Variants in NDUFV3 observed in about 807,000 individuals in gnomAD.
NDUFV3 encodes NADH dehydrogenase [ubiquinone] flavoprotein 3, mitochondrial.
In NDUFV3, 44 loss-of-function variants were observed where a neutral mutation model predicts 37.5. The observed-to-expected ratio is 1.17, with a 90% CI of 0.92 to 1.51. The LOEUF (loss-of-function observed/expected upper bound fraction) is 1.51, where lower values mean the gene tolerates loss of function less well. NDUFV3 is among the 40% of genes most tolerant of loss of function. NDUFV3 has a pLI of 0.00. For missense variants in NDUFV3, 580 were observed against 580.4 expected, an observed-to-expected ratio of 1.00 and a Z score of 0.01; for synonymous variants, 235 against 239.3, an observed-to-expected ratio of 0.98 and a Z score of 0.17.
In NDUFV3 at chr21:42,896,983, T is replaced by C; in HGVS notation, c.105T>C (p.Ser35=). The change falls in exon 2 of 4, where the codon TCT becomes TCC. Residue 35 remains serine, a synonymous_variant. Coordinates refer to ENST00000354250, the MANE Select transcript of NDUFV3 (RefSeq NM_021075.4). ...GACTTGCTTCTACGGTTTCTTTGTC[T>C]GCGGAATCAGGGAAGAGTGAAAAGG... ...FRGLASTVSL[S]AESGKSEKGQ... is the part of the protein sequence containing the mutation. 1.2e-6 allele frequency: 2 copies of C among 1,614,052 alleles called. No individual in the cohort carries two copies. The highest frequency in any genetic ancestry group is 2.2e-5 in the South Asian group (2 of 91,086).
chr21:42,898,745 A>G (rs1019488476), intron 2 of NDUFV3, among the ~76,000 whole-genome samples: 1 of 152,232 alleles, frequency 6.6e-6, no homozygotes, highest in African/African-American at 2.4e-5. Context: ...TATTGGGATT[A>G]CAGGTGTGAG....
At chr21:42,894,722 G>A (rs2058683433) in intron 1 of NDUFV3, among the ~76,000 whole-genome samples, 1 of 149,710 alleles carries the variant, frequency 6.7e-6, no homozygotes, top group South Asian at 2.1e-4. Context: ...TTCATTGACA[G>A]TCTACCATTA....
At chr21:42,902,889 C>T (rs1183317873) in intron 2 of NDUFV3, among the ~76,000 whole-genome samples, 1 of 152,124 alleles carries the variant, frequency 6.6e-6, no homozygotes, top group Non-Finnish European at 1.5e-5. Context: ...TAAATCATCT[C>T]TAGATTACTT....
At chr21:42,898,276 C>T (rs1257272837) in intron 2 of NDUFV3, among the ~76,000 whole-genome samples, 1 of 151,776 alleles carries the variant, frequency 6.6e-6, no homozygotes, top group Admixed American at 6.6e-5. Flanking sequence ...TTTTTCTCTT[C>T]TTCCTTTTAT....
At chr21:42,907,404 T>C (rs1398931927) in intron 3 of NDUFV3, among the ~76,000 whole-genome samples, 2 of 150,820 alleles carry the variant, frequency 1.3e-5, no homozygotes, top group African/African-American at 4.9e-5. Flanking sequence ...CACCTCAGCC[T>C]CCTGAGTAGC....
In NDUFV3 at chr21:42,910,056, T is replaced by A. The variant is rs2058762647; in HGVS notation, c.*1035T>A. The A allele has an allele frequency of 6.6e-6, 1 of 152,208 alleles. No individual in the cohort carries two copies. Among genetic ancestry groups the A allele is most frequent in the Non-Finnish European group, 1.5e-5 (1 of 68,058 alleles). The allele number at this position is 152,208 out of a possible 1,614,324, so 9.4% of individuals were successfully genotyped here. ...AAACAGGAGTTTTGGCCAGGTGCAG[T>A]GGATAATTCCTGTAATCCCAGCGCT... On this transcript the variant is annotated 3_prime_UTR_variant, in exon 4 of 4. Coordinates refer to ENST00000354250, the MANE Select transcript of NDUFV3 (RefSeq NM_021075.4).
intron 2 of NDUFV3, among the ~76,000 whole-genome samples, chr21:42,900,060 A>G (rs890156767): frequency 6.6e-6 from 1 of 152,148 alleles, no homozygotes; most frequent in Non-Finnish European, 1.5e-5. Flanking sequence ...GTAGCTGGGT[A>G]TGGTAGCGTG....
At chr21:42,904,980 G>A (rs1278421788) in intron 3 of NDUFV3, among the ~76,000 whole-genome samples, 4 of 151,490 alleles carry the variant, frequency 2.6e-5, no homozygotes, top group Non-Finnish European at 5.9e-5. Context: ...TAGTAGAGAC[G>A]GGGTTTCACC....
At chr21:42,900,983 A>G (rs2058715786) in intron 2 of NDUFV3, among the ~76,000 whole-genome samples, 1 of 152,194 alleles carries the variant, frequency 6.6e-6, no homozygotes, top group Admixed American at 6.6e-5. Context: ...AACAGTCAGT[A>G]ATAAATTGTT....
chr21:42,900,283 C>T (rs1228803236), intron 2 of NDUFV3, among the ~76,000 whole-genome samples: 1 of 152,146 alleles, frequency 6.6e-6, no homozygotes, highest in African/African-American at 2.4e-5. Context: ...GGGCCGATCA[C>T]TTGAGGTCAG....
At position 42,893,374 on chromosome 21, in the gene NDUFV3, C is replaced by A. The variant is rs1438283659; in HGVS notation, c.41C>A (p.Ala14Glu). The A allele has an allele frequency of 6.5e-7, 1 of 1,537,750 alleles. No homozygotes were observed. Among genetic ancestry groups the A allele is most frequent in the Non-Finnish European group, 8.7e-7 (1 of 1,146,400 alleles). The change falls in exon 1 of 4, where the codon GCG becomes GAG. Residue 14 changes from alanine (A) to glutamate (E), a missense_variant. By Grantham distance (107) the Ala-to-Glu change is moderately radical. Transcript: ENST00000354250. ...TTGCTGCGGCAAGGACGAGCCGGGG[C>A]GCTGAAGGTAAAGGAGGAGCCAGCC... ...PCLLRQGRAGALKTMLQEAQV... is the reference protein window; with the variant it reads ...PCLLRQGRAGELKTMLQEAQV...
chr21:42,907,585 G>A (rs1295187253), intron 3 of NDUFV3, among the ~76,000 whole-genome samples: 1 of 151,930 alleles, frequency 6.6e-6, no homozygotes, highest in Non-Finnish European at 1.5e-5. Context: ...TGACATAGCT[G>A]GGATTACAGG....
rs1197925569 is a variant in NDUFV3 at position 42,899,626 on chromosome 21, G to T, written c.169+2579G>T. On this transcript the variant is annotated intron_variant, in intron 2 of 3. Transcript: ENST00000354250. ...AACCCGGCAAATTTTTCTGTTTTTA[G>T]TAGAGACGGGGTTTCACCATGTTGG... Among the ~76,000 whole-genome samples, 3 of 152,174 alleles carry T rather than the reference G, an allele frequency of 2.0e-5. 1 individual carries two copies. The East Asian group carries it at 5.8e-4, about 29-fold the overall frequency.
chr21:42,896,909 C>G lies in NDUFV3; in HGVS notation c.49-18C>G, dbSNP rs1272934671. ...TGGCATTACTCTAAACATCCATATT[C>G]ATTAATTCTTTTGTCAGACTATGCT... is the stretch of plus-strand genomic sequence containing the variant. On this transcript the variant is annotated intron_variant, in intron 1 of 3. Transcript: ENST00000354250. 6.2e-7 allele frequency: 1 copy of G among 1,607,060 alleles called. No individual in the cohort carries two copies. The highest frequency in any genetic ancestry group is 2.2e-5 in the East Asian group (1 of 44,798).
intron 3 of NDUFV3, among the ~76,000 whole-genome samples, chr21:42,907,842 C>T (rs936622104): frequency 3.3e-5 from 5 of 151,758 alleles, no homozygotes; most frequent in African/African-American, 9.7e-5. Context: ...CCTCCCACCT[C>T]GGCCTCCCAA....
At position 42,903,719 on chromosome 21, in the gene NDUFV3, C is replaced by T. The variant is rs2058728717; in HGVS notation, c.707C>T (p.Pro236Leu). The change falls in exon 3 of 4, where the codon CCA (proline) becomes CTA (leucine). Residue 236 changes from proline (P) to leucine (L), a missense_variant. Physicochemically the swap from Pro to Leu is moderately conservative, Grantham distance 98. Coordinates refer to ENST00000354250, the MANE Select transcript of NDUFV3 (RefSeq NM_021075.4). ...QPKKKGSPAK[P>L]SEGRENARPK... ...AAGAAGAAAGGGTCCCCTGCTAAGC[C>T]ATCAGAAGGCAGGGAAAATGCGAGA... 3.1e-6 allele frequency: 5 copies of T among 1,614,156 alleles called. No individual in the cohort carries two copies. Among genetic ancestry groups the T allele is most frequent in the Non-Finnish European group, 4.2e-6 (5 of 1,180,036 alleles).
rs199831702 is a variant in NDUFV3 at position 42,909,052 on chromosome 21, C to T, written c.*31C>T. On this transcript the variant is annotated 3_prime_UTR_variant, in exon 4 of 4. Coordinates refer to ENST00000354250, the MANE Select transcript of NDUFV3 (RefSeq NM_021075.4). ...CTCGGTGTGAAGATGAACCTTCCACCGTCTTCACTGCATCCTGGAGTGCAA... is the reference window on the plus strand; with the variant it reads ...CTCGGTGTGAAGATGAACCTTCCACTGTCTTCACTGCATCCTGGAGTGCAA... The T allele has an allele frequency of 4.2e-5, 68 of 1,607,984 alleles. No homozygotes were observed. The highest frequency in any genetic ancestry group is 3.3e-4 in the Middle Eastern group (2 of 6,052).
In NDUFV3 at chr21:42,908,968, T is replaced by C. The variant is rs1316063067; in HGVS notation, c.1369T>C (p.Ser457Pro). The C allele has an allele frequency of 3.1e-6, 5 of 1,613,888 alleles. No individual in the cohort carries two copies. In the East Asian group the frequency reaches 1.1e-4, roughly 36 times the overall value. Residue 457 changes from serine to proline, a missense_variant, in exon 4 of 4, where the codon TCA becomes CCA. By Grantham distance (74) the Ser-to-Pro change is moderately conservative. Transcript: ENST00000354250. ...CTTCTTAGACCTCAACCTCGAACTCTCAAAATTCAGGATGCCTCAGCCCTC... is the reference window on the plus strand; with the variant it reads ...CTTCTTAGACCTCAACCTCGAACTCCCAAAATTCAGGATGCCTCAGCCCTC... The part of the protein sequence containing the change: ...YTFLDLNLEL[S>P]KFRMPQPSSG...
intron 2 of NDUFV3, among the ~76,000 whole-genome samples, chr21:42,897,971 C>T (rs550459176): frequency 2.0e-5 from 3 of 152,276 alleles, no homozygotes; most frequent in Non-Finnish European, 4.4e-5. Flanking sequence ...CCACCGTGCC[C>T]AGTCCTAAAT....
Sources: allele counts gnomAD v4.1 joint callset (sites outside exome capture counted in the v4.1 genomes callset), GRCh38; gene constraint gnomAD v4.1.1; transcripts MANE v1.5; gene names NCBI Gene and HGNC (gene_info 2026-07-23, HGNC 2026-07-21).